NCOA4: variants seen among roughly 807,000 people sequenced by gnomAD.
NCOA4 encodes the protein nuclear receptor coactivator 4.
NCOA4 carries 31 observed loss-of-function variants against 69.5 expected under a neutral mutation model. That is an observed-to-expected ratio of 0.45 (90% CI 0.34 to 0.60). The LOEUF is 0.60. Ranked by LOEUF, NCOA4 falls within the 20% of genes least tolerant of loss-of-function variation. The pLI, the probability that NCOA4 is intolerant of heterozygous loss-of-function variation, is 0.02. For synonymous variants in NCOA4, 228 were observed against 252.4 expected, an observed-to-expected ratio of 0.90 and a Z score of 0.92; for missense variants, 600 against 719.2, an observed-to-expected ratio of 0.83 and a Z score of 1.90.
chr10:46,028,688 G>A (rs527736979), intron 1 of NCOA4, among the ~76,000 whole-genome samples: 1 of 152,128 alleles, frequency 6.6e-6, no homozygotes, highest in African/African-American at 2.4e-5. Flanking sequence ...AAGTATTAAG[G>A]TATTATGTAT....
At position 46,013,614 on chromosome 10, in the gene NCOA4, T is replaced by C. The variant is rs781994352; in HGVS notation, c.506A>G (p.His169Arg). 1 of 1,613,350 alleles carries C rather than the reference T, an allele frequency of 6.2e-7. No homozygotes were observed. The highest frequency in any genetic ancestry group is 1.1e-5 in the South Asian group (1 of 90,976). Residue 169 changes from histidine (H) to arginine (R), a missense_variant, in exon 6 of 10, where the codon CAT becomes CGT. His to Arg is a conservative substitution (Grantham distance 29). Coordinates refer to ENST00000581486, the MANE Select transcript of NCOA4 (RefSeq NM_001145263.2). ...TIQIPEHLMA[H>R]ASSANIGPFL... ...GGGCCCAATATTTGCTGAACTAGCATGAGCCATCAAGTGCTCAGGAATTTG... is the reference window on the plus strand; with the variant it reads ...GGGCCCAATATTTGCTGAACTAGCACGAGCCATCAAGTGCTCAGGAATTTG...
At chr10:46,029,113 C>T (rs1375267937) in intron 1 of NCOA4, among the ~76,000 whole-genome samples, 1 of 151,794 alleles carries the variant, frequency 6.6e-6, no homozygotes, top group Non-Finnish European at 1.5e-5. Flanking sequence ...GGACATCTTC[C>T]TCCCCTTCCA....
In NCOA4 at chr10:46,009,448, A is replaced by G. The variant is rs781789178; in HGVS notation, c.1802T>C (p.Val601Ala). 1 of 1,613,150 alleles carries G rather than the reference A, an allele frequency of 6.2e-7. No individual in the cohort carries two copies. Among genetic ancestry groups the G allele is most frequent in the South Asian group, 1.1e-5 (1 of 91,014 alleles). The change falls in exon 9 of 10, where the codon GTT becomes GCT. Residue 601 changes from valine to alanine, a missense_variant. Val to Ala is a moderately conservative substitution (Grantham distance 64). Transcript: ENST00000581486. The part of the protein sequence containing the change: ...CDLFACMQLK[V>A]DKEKWLYRTP... ...TCGATATAACCACTTCTCTTTATCA[A>G]CTTTAAGCTGCATACAGGCAAAGAG...
chr10:46,019,327 A>AT, intron 1 of NCOA4: 1 of 985,446 alleles, frequency 1.0e-6, no homozygotes, highest in Non-Finnish European at 1.2e-6. Flanking sequence ...AAATACCTGT[A>AT]TCACATGGGT....
At chr10:46,025,804 T>C (rs782002146) in intron 1 of NCOA4, among the ~76,000 whole-genome samples, 3 of 152,232 alleles carry the variant, frequency 2.0e-5, no homozygotes, top group Non-Finnish European at 2.9e-5. Flanking sequence ...GTAACATATG[T>C]TACCCTATTG....
rs1554920570 is a variant in NCOA4 at position 46,009,447 on chromosome 10, A to G, written c.1803T>C (p.Val601=). 6.2e-7 allele frequency: 1 copy of G among 1,613,088 alleles called. No homozygotes were observed. The highest frequency in any genetic ancestry group is 1.7e-5 in the Admixed American group (1 of 59,980). ...TTCGATATAACCACTTCTCTTTATC[A>G]ACTTTAAGCTGCATACAGGCAAAGA... ...CDLFACMQLK[V]DKEKWLYRTP... Residue 601 remains valine (V), a synonymous_variant, in exon 9 of 10, where the codon GTT becomes GTC. Transcript: ENST00000581486.
At position 46,013,618 on chromosome 10, in the gene NCOA4, C is replaced by G; in HGVS notation, c.502G>C (p.Ala168Pro). The G allele has an allele frequency of 6.2e-7, 1 of 1,612,272 alleles. No individual in the cohort carries two copies. Among genetic ancestry groups the G allele is most frequent in the Non-Finnish European group, 8.5e-7 (1 of 1,178,992 alleles). Reference sequence around the variant, plus strand: ...CCAATATTTGCTGAACTAGCATGAGCCATCAAGTGCTCAGGAATTTGCTAC... The same window carrying G: ...CCAATATTTGCTGAACTAGCATGAGGCATCAAGTGCTCAGGAATTTGCTAC... ...KTIQIPEHLM[A>P]HASSANIGPF... is the part of the protein sequence containing the mutation. Residue 168 changes from alanine to proline, a missense_variant, in exon 6 of 10, where the codon GCT becomes CCT. Physicochemically the swap from Ala to Pro is conservative, Grantham distance 27. Transcript: ENST00000581486.
At chr10:46,013,087 A>T in intron 6 of NCOA4, 61 bp from the exon 7 acceptor site, 1 of 1,535,522 alleles carries the variant, frequency 6.5e-7, no homozygotes, top group Non-Finnish European at 9.0e-7. Flanking sequence ...AAAAGAGAAG[A>T]GCCACTCTCT....
At chr10:46,030,273 A>AGGCCCGGGCCCGGCGTGTGGCGGG (rs1564931436) in intron 1 of NCOA4, among the ~76,000 whole-genome samples, 3 of 151,936 alleles carry the variant, frequency 2.0e-5, no homozygotes. Context: ...AGGAAAAGAC[A>AGGCCCGGGCCCGGCGTGTGGCGGG]AGCCCGGGCC....
At chr10:46,018,102 T>C (rs1839676752) in intron 1 of NCOA4, among the ~76,000 whole-genome samples, 1 of 152,216 alleles carries the variant, frequency 6.6e-6, no homozygotes, top group Non-Finnish European at 1.5e-5. Context: ...TAAGATTATT[T>C]TTTACAAAAT....
At chr10:46,020,422 C>G (rs1839805437) in intron 1 of NCOA4, among the ~76,000 whole-genome samples, 1 of 152,198 alleles carries the variant, frequency 6.6e-6, no homozygotes, top group African/African-American at 2.4e-5. Context: ...CTTAGCCTAG[C>G]ACCTGCACAC....
intron 1 of NCOA4, among the ~76,000 whole-genome samples, chr10:46,019,031 A>G (rs1839721379): frequency 6.6e-6 from 1 of 152,212 alleles, no homozygotes; most frequent in Non-Finnish European, 1.5e-5. Context: ...TATCTCAGCA[A>G]AAGACTCAGA....
chr10:46,027,358 A>G (rs1049629340), intron 1 of NCOA4: 11 of 1,354,980 alleles, frequency 8.1e-6, no homozygotes, highest in South Asian at 5.2e-5. Context: ...TGATTTAACA[A>G]TCAAAGAAGA....
intron 2 of NCOA4, among the ~76,000 whole-genome samples, chr10:46,015,776 A>G (rs1388578948): frequency 6.6e-6 from 1 of 152,242 alleles, no homozygotes; most frequent in South Asian, 2.1e-4. Context: ...TGAGCGGTCC[A>G]TTTACAGGAG....
Position 46,014,888 on chromosome 10 carries a change from C to G in NCOA4, c.337G>C (p.Asp113His), listed in dbSNP as rs782317269. 1.9e-6 allele frequency: 3 copies of G among 1,614,128 alleles called. No homozygotes were observed. Among genetic ancestry groups the G allele is most frequent in the Non-Finnish European group, 2.5e-6 (3 of 1,180,010 alleles). ...THQLECTQNK[D>H]LANQVSVCLE... Reference sequence around the variant, plus strand: ...CACACAGAGACTTGATTGGCTAGATCTTTGTTTTGGGTACACTCCAGTTGA... The same window carrying G: ...CACACAGAGACTTGATTGGCTAGATGTTTGTTTTGGGTACACTCCAGTTGA... Residue 113 changes from aspartate to histidine, a missense_variant, in exon 4 of 10, where the codon GAT becomes CAT. Physicochemically the swap from Asp to His is moderately conservative, Grantham distance 81 (BLOSUM62 -1). Transcript: ENST00000581486.
chr10:46,024,975 T>C (rs1173708630), intron 1 of NCOA4, among the ~76,000 whole-genome samples: 1 of 152,124 alleles, frequency 6.6e-6, no homozygotes, highest in Non-Finnish European at 1.5e-5. Context: ...CATAAAGATA[T>C]ATACAGATAT....
chr10:46,026,098 G>A (rs782798875), intron 1 of NCOA4, among the ~76,000 whole-genome samples: 1 of 152,242 alleles, frequency 6.6e-6, no homozygotes, highest in Non-Finnish European at 1.5e-5. Flanking sequence ...ACTAGCCACA[G>A]TAAGTATGGT....
intron 1 of NCOA4, among the ~76,000 whole-genome samples, chr10:46,017,478 G>A (rs781937441): frequency 2.6e-5 from 4 of 152,110 alleles, no homozygotes; most frequent in Admixed American, 1.3e-4. Context: ...CCAGGAGTTC[G>A]CAGCTGCAGT....
Position 46,006,360 on chromosome 10 carries a change from T to C in NCOA4, c.*232A>G. 1.9e-6 allele frequency: 1 copy of C among 539,354 alleles called. No individual in the cohort carries two copies. Among genetic ancestry groups the C allele is most frequent in the South Asian group, 2.6e-5 (1 of 37,914 alleles). 33.4% of individuals were successfully genotyped at this position (539,354 alleles called of 1,614,324 possible). A position where few individuals can be genotyped will look rare whatever the true frequency, so the allele number is the denominator to read the frequency against. On this transcript the variant is annotated 3_prime_UTR_variant, in exon 10 of 10. Transcript: ENST00000581486. ...TCTAGTGTGGGGTGAATTAAAATAC[T>C]TCTGTAAGAAGGAGGGAACTGAATC...
Sources: allele counts gnomAD v4.1 joint callset (sites outside exome capture counted in the v4.1 genomes callset), GRCh38; gene constraint gnomAD v4.1.1; transcripts MANE v1.5; gene names NCBI Gene and HGNC (gene_info 2026-07-23, HGNC 2026-07-21).